The following CEP192 variants were observed in gnomAD, a reference collection of about 807,000 sequenced individuals.
CEP192 encodes the protein centrosomal protein of 192 kDa.
A neutral mutation model predicts 271.8 loss-of-function variants in CEP192; 151 were observed. That is an observed-to-expected ratio of 0.56 (90% CI 0.49 to 0.64). CEP192 has a LOEUF of 0.64. Among genes scored for constraint, CEP192 ranks in the 30% least tolerant of loss-of-function variants. The probability of loss-of-function intolerance (pLI) is 0.00; values close to 1 mark genes in which losing one functional copy is unlikely to be tolerated. For missense variants in CEP192, 2,910 were observed against 3,020.5 expected (o/e 0.96, Z 0.86); for synonymous variants, 995 against 1,076.5 (o/e 0.92, Z 1.48).
At chr18:13,043,782 TC>T (rs1230627752) in intron 15 of CEP192, among the ~76,000 whole-genome samples, 1 of 152,198 alleles carries the variant, frequency 6.6e-6, no homozygotes, top group Non-Finnish European at 1.5e-5. Flanking sequence ...TGTTTTAATT[TC>T]CCTTTGTATT....
Position 13,052,981 on chromosome 18 carries a change from T to A in CEP192, c.3080T>A (p.Leu1027Ter). Residue 1027 changes from leucine (L) to a stop codon, truncating the protein, a stop_gained, in exon 18 of 45, where the codon TTG becomes TAG. Transcript: ENST00000506447. LOFTEE classifies it high-confidence loss of function. Reference sequence around the variant, plus strand: ...CAGCAGCCTCCCTGTGAGCAGGAGTTGTCTCCCTTGGTGTGCTCGCCTGCT... The same window carrying A: ...CAGCAGCCTCCCTGTGAGCAGGAGTAGTCTCCCTTGGTGTGCTCGCCTGCT... Reference protein sequence around the residue: ...QQQQPPCEQELSPLVCSPAGV... With the variant: ...QQQQPPCEQE The A allele has an allele frequency of 1.2e-6, 2 of 1,613,850 alleles. No individual in the cohort carries two copies. The highest frequency in any genetic ancestry group is 4.5e-5 in the East Asian group (2 of 44,870).
chr18:13,002,109 A>T (rs1441744435), intron 3 of CEP192, among the ~76,000 whole-genome samples: 1 of 152,178 alleles, frequency 6.6e-6, no homozygotes, highest in African/African-American at 2.4e-5. Context: ...AAAAATAGAG[A>T]ATATAGAAAA....
At chr18:13,095,785 T>C in intron 35 of CEP192, 104 bp downstream of exon 35, 1 of 1,008,984 alleles carries the variant, frequency 9.9e-7, no homozygotes, top group Non-Finnish European at 1.4e-6. Context: ...CTCCTGCACA[T>C]TGAGCTGTGA....
At chr18:13,000,902 G>GA (rs1307285395) in intron 2 of CEP192, among the ~76,000 whole-genome samples, 2 of 152,216 alleles carry the variant, frequency 1.3e-5, no homozygotes, top group African/African-American at 4.8e-5. Flanking sequence ...GCAGTGACCT[G>GA]AGATTGGGCC....
chr18:13,092,622 A>C, intron 34 of CEP192, 95 bp downstream of exon 34: 1 of 877,482 alleles, frequency 1.1e-6, no homozygotes, highest in Non-Finnish European at 1.7e-6. Flanking sequence ...TATTATTATT[A>C]TTTTGTCTCA....
At chr18:13,115,931 A>T (rs2040409038) in intron 42 of CEP192, among the ~76,000 whole-genome samples, 2 of 152,054 alleles carry the variant, frequency 1.3e-5, no homozygotes. Context: ...GTGGCCGGAG[A>T]AAGGGGAGGC....
chr18:13,001,978 C>T (rs886515138), intron 3 of CEP192, among the ~76,000 whole-genome samples: 3 of 152,232 alleles, frequency 2.0e-5, no homozygotes, highest in African/African-American at 7.2e-5. Flanking sequence ...TCCCAAAGTG[C>T]TGGGATTAGA....
In CEP192 at chr18:13,087,255, T is replaced by C. The variant is rs1316697310; in HGVS notation, c.5855T>C (p.Val1952Ala). Residue 1952 changes from valine to alanine, a missense_variant, in exon 31 of 45, where the codon GTA becomes GCA. Physicochemically the swap from Val to Ala is moderately conservative, Grantham distance 64. Coordinates refer to ENST00000506447, the MANE Select transcript of CEP192 (RefSeq NM_032142.4). Reference sequence around the variant, plus strand: ...TTGAGGATTTTTCCAGATAAATTTGTACTCAAGGAAAGAACACAAGAAGTA... The same window carrying C: ...TTGAGGATTTTTCCAGATAAATTTGCACTCAAGGAAAGAACACAAGAAGTA... ...KVLRIFPDKF[V>A]LKERTQENVT... 1 of 1,607,532 alleles carries C rather than the reference T, an allele frequency of 6.2e-7. No homozygotes were observed. The highest frequency in any genetic ancestry group is 1.1e-5 in the South Asian group (1 of 90,660).
Position 13,073,071 on chromosome 18 carries a change from A to G in CEP192, c.5502A>G (p.Pro1834=). The part of the protein sequence containing the change: ...LTSNCEIRIH[P]KEDIFISVLF... ...GTAACTGTGAGATCAGAATTCACCC[A>G]AAGGAAGACATTTTCATCTCTGTAT... Residue 1834 remains proline (P), a synonymous_variant, in exon 30 of 45, where the codon CCA becomes CCG. Coordinates refer to ENST00000506447, the MANE Select transcript of CEP192 (RefSeq NM_032142.4). The G allele has an allele frequency of 6.2e-7, 1 of 1,613,824 alleles. No individual in the cohort carries two copies. Among genetic ancestry groups the G allele is most frequent in the Non-Finnish European group, 8.5e-7 (1 of 1,179,902 alleles).
intron 40 of CEP192, among the ~76,000 whole-genome samples, chr18:13,105,316 C>T (rs1051221012): frequency 6.6e-6 from 1 of 152,210 alleles, no homozygotes; most frequent in Admixed American, 6.5e-5. Flanking sequence ...ACTGCCAGTG[C>T]TTACAGTCAT....
At chr18:13,029,624 C>G in intron 9 of CEP192, 39 bp from the exon 10 acceptor site, 2 of 1,227,660 alleles carry the variant, frequency 1.6e-6, no homozygotes, top group Non-Finnish European at 2.2e-6. Flanking sequence ...ACAAGACTTA[C>G]TGTTGCTCTG....
intron 3 of CEP192, among the ~76,000 whole-genome samples, chr18:13,005,936 A>G (rs2033953248): frequency 1.3e-5 from 2 of 152,178 alleles, no homozygotes; most frequent in African/African-American, 2.4e-5. Context: ...TATAATCTTG[A>G]TAGTTGGTTT....
At chr18:13,041,980 C>T (rs2036233084) in intron 14 of CEP192, among the ~76,000 whole-genome samples, 1 of 152,170 alleles carries the variant, frequency 6.6e-6, no homozygotes, top group Non-Finnish European at 1.5e-5. Flanking sequence ...AATCCACAAT[C>T]CTCCTTCAAA....
Position 13,089,541 on chromosome 18 carries a change from C to A in CEP192, c.6079C>A (p.Gln2027Lys). Reference protein sequence around the residue: ...LQNINFVEAFQDELLVTEVYD... With the variant: ...LQNINFVEAFKDELLVTEVYD... ...AAACATTAATTTTGTTGAAGCATTT[C>A]AAGATGAGCTATTAGTAACTGAAGG... The change falls in exon 33 of 45, where the codon CAA becomes AAA. Residue 2027 changes from glutamine (Q) to lysine (K), a missense_variant. Gln to Lys is a moderately conservative substitution (Grantham distance 53). Coordinates refer to ENST00000506447, the MANE Select transcript of CEP192 (RefSeq NM_032142.4). The A allele has an allele frequency of 6.3e-7, 1 of 1,580,312 alleles. No individual in the cohort carries two copies. The highest frequency in any genetic ancestry group is 8.7e-7 in the Non-Finnish European group (1 of 1,152,510).
intron 17 of CEP192, 79 bp from the exon 18 acceptor site, chr18:13,052,840 C>T (rs1054367064): frequency 1.0e-5 from 11 of 1,074,244 alleles, no homozygotes; most frequent in South Asian, 2.4e-5. Flanking sequence ...AGATTGTAGG[C>T]CCATAGGAAT....
At chr18:13,096,139 A>G (rs1261882198) in intron 35 of CEP192, 45 bp from the exon 36 acceptor site, 1 of 1,597,192 alleles carries the variant, frequency 6.3e-7, no homozygotes, top group African/African-American at 1.3e-5. Flanking sequence ...TGTCTTTTTC[A>G]CTGTTGTTAA....
chr18:13,037,172 T>C, intron 11 of CEP192, 65 bp from the exon 12 acceptor site: 1 of 711,922 alleles, frequency 1.4e-6, no homozygotes, highest in Non-Finnish European at 2.5e-6. Context: ...TCCTAACTTG[T>C]ATCTGTGTGC....
intron 3 of CEP192, among the ~76,000 whole-genome samples, chr18:13,007,605 T>C (rs1279022796): frequency 6.6e-6 from 1 of 152,214 alleles, no homozygotes; most frequent in African/African-American, 2.4e-5. Flanking sequence ...CCTATGCCTT[T>C]CCTTTCCTGT....
intron 36 of CEP192, among the ~76,000 whole-genome samples, chr18:13,097,187 T>C (rs2039441053): frequency 6.6e-6 from 1 of 152,144 alleles, no homozygotes; most frequent in Non-Finnish European, 1.5e-5. Flanking sequence ...CAGCTAATGG[T>C]AGAACAGGTT....
Sources: gnomAD v4.1 joint callset for allele counts (sites outside exome capture counted in the v4.1 genomes callset) on GRCh38, gnomAD v4.1.1 for gene constraint, MANE v1.5 for transcripts, NCBI Gene and HGNC (gene_info 2026-07-23, HGNC 2026-07-21) for gene names.